SCD5: variants seen among roughly 807,000 people sequenced by gnomAD.
SCD5 encodes acyl-CoA-desaturase 4.
A neutral mutation model predicts 30.4 loss-of-function variants in SCD5; 20 were observed. That is an observed-to-expected ratio of 0.66 (90% CI 0.46 to 0.96). The LOEUF is 0.96. SCD5 is among the 40% of genes least tolerant of loss of function. SCD5 has a pLI of 0.00. For missense variants in SCD5, 381 were observed against 443.3 expected (o/e 0.86, Z 1.26); for synonymous variants, 173 against 176.4 (o/e 0.98, Z 0.16).
chr4:82,733,071 C>T (rs1327629749), intron 1 of SCD5, among the ~76,000 whole-genome samples: 1 of 152,182 alleles, frequency 6.6e-6, no homozygotes, highest in Non-Finnish European at 1.5e-5. Context: ...CACAACAACC[C>T]TATGAGGGGT....
intron 3 of SCD5, among the ~76,000 whole-genome samples, chr4:82,643,260 G>A (rs1317426199): frequency 1.3e-5 from 2 of 152,146 alleles, no homozygotes; most frequent in Non-Finnish European, 2.9e-5. Flanking sequence ...TCACTCCTAG[G>A]TATATATCCA....
At chr4:82,688,417 T>C (rs1055028052) in intron 2 of SCD5, among the ~76,000 whole-genome samples, 2 of 152,114 alleles carry the variant, frequency 1.3e-5, no homozygotes, top group African/African-American at 4.8e-5. Flanking sequence ...CCTTAGAAAC[T>C]GTAAGGCTTA....
chr4:82,740,365 G>A (rs921186334), intron 1 of SCD5, among the ~76,000 whole-genome samples: 1 of 152,208 alleles, frequency 6.6e-6, no homozygotes, highest in African/African-American at 2.4e-5. Flanking sequence ...GAAAGGATGG[G>A]AGTGCAAGGT....
Position 82,719,509 on chromosome 4 carries a change from T to TA in SCD5, c.233-14097_233-14096insT, listed in dbSNP as rs869078875. On this transcript the variant is annotated intron_variant, in intron 1 of 4. Transcript: ENST00000319540. ...AATACAGTTGTAAAATATGATTTTC[T>TA]TTTTTTTTTTTTGAGACGGAGCGTC... 1.5e-4 allele frequency among the ~76,000 whole-genome samples: 4 copies of TA among 27,122 alleles called. No homozygotes were observed. In the African/African-American group the frequency reaches 2.1e-3, roughly 14 times the overall value. The allele number at this position is 27,122 out of a possible 152,430, so 17.8% of individuals were successfully genotyped here.
intron 1 of SCD5, chr4:82,775,557 A>G (rs1034647382): frequency 6.6e-6 from 1 of 152,276 alleles, no homozygotes; most frequent in Non-Finnish European, 1.5e-5. Context: ...ATGTTCAAGG[A>G]CCAGGCTATT....
chr4:82,640,121 G>A (rs2148812510), intron 3 of SCD5, among the ~76,000 whole-genome samples: 1 of 152,248 alleles, frequency 6.6e-6, no homozygotes, highest in Middle Eastern at 3.4e-3. Context: ...CCAGTCCTGT[G>A]GAATCGGCCT....
At chr4:82,651,073 T>C (rs1727742357) in intron 3 of SCD5, among the ~76,000 whole-genome samples, 1 of 152,216 alleles carries the variant, frequency 6.6e-6, no homozygotes, top group Non-Finnish European at 1.5e-5. Flanking sequence ...ACCTATCTGA[T>C]GCTGCAGGCA....
At chr4:82,653,323 C>A (rs1292380543) in intron 3 of SCD5, among the ~76,000 whole-genome samples, 1 of 152,090 alleles carries the variant, frequency 6.6e-6, no homozygotes, top group Admixed American at 6.5e-5. Context: ...GCGCAAAGGG[C>A]ACAAAGAAAA....
Position 82,640,091 on chromosome 4 carries a change from C to T in SCD5, c.570-3268G>A, listed in dbSNP as rs1213108600. ...CGAGGCCCGCTCTGGCTCCTGCTCTCTGACCCCTGCTCTCTGACCCCAGTC... is the reference window on the plus strand; with the variant it reads ...CGAGGCCCGCTCTGGCTCCTGCTCTTTGACCCCTGCTCTCTGACCCCAGTC... On this transcript the variant is annotated intron_variant, in intron 3 of 4. Transcript: ENST00000319540. 3.3e-5 allele frequency among the ~76,000 whole-genome samples: 5 copies of T among 152,288 alleles called. No homozygotes were observed. The East Asian group carries it at 9.7e-4, about 30-fold the overall frequency.
intron 1 of SCD5, among the ~76,000 whole-genome samples, chr4:82,750,963 C>G (rs906429614): frequency 6.6e-6 from 1 of 152,156 alleles, no homozygotes; most frequent in Non-Finnish European, 1.5e-5. Context: ...GCTCTTAGAT[C>G]CGTGTTCCCT....
chr4:82,719,860 G>C (rs1720327933), intron 1 of SCD5, among the ~76,000 whole-genome samples: 1 of 151,280 alleles, frequency 6.6e-6, no homozygotes, highest in South Asian at 2.1e-4. Flanking sequence ...GGAGTGCAGG[G>C]GTGCAATCTC....
At chr4:82,744,846 G>A (rs576140070) in intron 1 of SCD5, among the ~76,000 whole-genome samples, 1 of 151,878 alleles carries the variant, frequency 6.6e-6, no homozygotes, top group South Asian at 2.1e-4. Flanking sequence ...AGACTGGGTG[G>A]AGCGAGAGGG....
chr4:82,656,194 C>T (rs969100305), intron 3 of SCD5, among the ~76,000 whole-genome samples: 17 of 152,016 alleles, frequency 1.1e-4, no homozygotes, highest in Admixed American at 4.6e-4. Context: ...GTTTGCTGCA[C>T]CCATCAACCC....
chr4:82,758,668 G>A (rs1422931918), intron 1 of SCD5, among the ~76,000 whole-genome samples: 3 of 152,154 alleles, frequency 2.0e-5, no homozygotes, highest in South Asian at 2.1e-4. Flanking sequence ...TTGGGTCAGC[G>A]GGACAGGATT....
At chr4:82,673,666 T>C (rs1728374603) in intron 3 of SCD5, among the ~76,000 whole-genome samples, 1 of 152,190 alleles carries the variant, frequency 6.6e-6, no homozygotes, top group African/African-American at 2.4e-5. Context: ...GCAAGGTTTA[T>C]ACGTGGAGGC....
chr4:82,679,744 G>C (rs1334324822), intron 3 of SCD5, among the ~76,000 whole-genome samples: 4 of 152,144 alleles, frequency 2.6e-5, no homozygotes, highest in Non-Finnish European at 5.9e-5. Flanking sequence ...TAAAAGGAGA[G>C]GCTTTGGGGG....
chr4:82,716,296 T>C (rs758017553), intron 1 of SCD5, among the ~76,000 whole-genome samples: 2 of 151,852 alleles, frequency 1.3e-5, no homozygotes, highest in Non-Finnish European at 2.9e-5. Flanking sequence ...ACAGGGAATC[T>C]GGAACTGCCC....
intron 3 of SCD5, among the ~76,000 whole-genome samples, chr4:82,673,237 A>G (rs1016923138): frequency 5.0e-5 from 7 of 141,376 alleles, no homozygotes; most frequent in African/African-American, 2.0e-4. Context: ...TTGTTTGTAG[A>G]TGATGTGTTG....
At chr4:82,784,977 G>C (rs962318152) in intron 1 of SCD5, among the ~76,000 whole-genome samples, 3 of 152,192 alleles carry the variant, frequency 2.0e-5, no homozygotes, top group Non-Finnish European at 4.4e-5. Context: ...TAGAGCCACA[G>C]TGGAGCACAC....
Sources: gnomAD v4.1 joint callset for allele counts (sites outside exome capture counted in the v4.1 genomes callset) on GRCh38, gnomAD v4.1.1 for gene constraint, MANE v1.5 for transcripts, NCBI Gene and HGNC (gene_info 2026-07-23, HGNC 2026-07-21) for gene names.